Variants in CEP83 observed in about 807,000 individuals in gnomAD.
CEP83 encodes the protein centrosomal protein 83.
In CEP83, 70 loss-of-function variants were observed where a neutral mutation model predicts 101.9. The ratio of observed to expected loss-of-function variants is 0.69; its 90% confidence interval spans 0.57 to 0.84. The LOEUF (loss-of-function observed/expected upper bound fraction) is 0.84. Ranked by LOEUF, CEP83 falls within the 40% of genes least tolerant of loss-of-function variation. The pLI, the probability that CEP83 is intolerant of heterozygous loss-of-function variation, is 0.00. For missense variants in CEP83, 715 were observed against 787.2 expected (o/e 0.91, Z 1.10); for synonymous variants, 264 against 267.9 (o/e 0.99, Z 0.14).
intron 14 of CEP83, among the ~76,000 whole-genome samples, chr12:94,329,713 G>A (rs2059124581): frequency 6.6e-6 from 1 of 152,122 alleles, no homozygotes; most frequent in African/African-American, 2.4e-5. Context: ...AAATCAGTAG[G>A]ATTTCTGAGT....
At chr12:94,405,561 T>A (rs1593776793) in intron 4 of CEP83, among the ~76,000 whole-genome samples, 1 of 152,182 alleles carries the variant, frequency 6.6e-6, no homozygotes, top group East Asian at 1.9e-4. Context: ...AAACTGAAAG[T>A]AAAAAGCCTT....
rs1256536094 is a variant in CEP83, at chr12:94,310,063, A to C, written c.1856T>G (p.Leu619Arg). Residue 619 changes from leucine to arginine, a missense_variant, in exon 16 of 17, where the codon CTA becomes CGA. Coordinates refer to ENST00000397809, the MANE Select transcript of CEP83 (RefSeq NM_016122.3). ...ATTATGTCTTCTCTGTATATCTTTT[A>C]GTCTTTTTTGAAGCCTTGTATAGTC... ...FEDYTRLQKR[L>R]KDIQRRHNEF... 6.2e-7 allele frequency: 1 copy of C among 1,604,844 alleles called. No homozygotes were observed. The highest frequency in any genetic ancestry group is 1.1e-5 in the South Asian group (1 of 90,630).
At chr12:94,297,815 A>G in the CEP83 span, among the ~76,000 whole-genome samples, 1 of 152,240 alleles carries the variant, frequency 6.6e-6, no homozygotes, top group African/African-American at 2.4e-5. Context: ...GTCAATGACT[A>G]TAAACCTAGT....
chr12:94,316,478 A>ACATGTGCAGGTTTGTCTTATAGGTAAACT, intron 14 of CEP83, among the ~76,000 whole-genome samples: 1 of 151,108 alleles, frequency 6.6e-6, no homozygotes, highest in African/African-American at 2.4e-5. Flanking sequence ...GCTCAGAGGT[A>ACATGTGCAGGTTTGTCTTATAGGTAAACT]CATGTGCAGG....
At chr12:94,266,247 A>C in the CEP83 span, among the ~76,000 whole-genome samples, 4 of 152,166 alleles carry the variant, frequency 2.6e-5, no homozygotes, top group African/African-American at 9.7e-5. Context: ...AATAGTCCGT[A>C]GGTCAGCTGT....
the CEP83 span, chr12:94,282,446 C>T: frequency 3.0e-5 from 38 of 1,246,122 alleles, no homozygotes; most frequent in Admixed American, 5.3e-5. Flanking sequence ...CATCCCCAAT[C>T]CTAGTCCCAT....
intron 6 of CEP83, among the ~76,000 whole-genome samples, chr12:94,381,060 T>C (rs1338110552): frequency 6.6e-6 from 1 of 152,194 alleles, no homozygotes; most frequent in Non-Finnish European, 1.5e-5. Context: ...TACTGAGTAC[T>C]TACTAAGTAC....
intron 6 of CEP83, among the ~76,000 whole-genome samples, chr12:94,379,262 G>A (rs1371800239): frequency 2.0e-5 from 3 of 152,212 alleles, no homozygotes; most frequent in Non-Finnish European, 2.9e-5. Flanking sequence ...GTATCTCCAC[G>A]TGGTGTCTAG....
At chr12:94,301,127 A>C in the CEP83 span, 1 of 1,399,010 alleles carries the variant, frequency 7.1e-7, no homozygotes, top group Non-Finnish European at 1.0e-6. Context: ...TCTGATAAGC[A>C]TTCAAATAAT....
chr12:94,287,437 C>T, the CEP83 span, among the ~76,000 whole-genome samples: 1 of 152,210 alleles, frequency 6.6e-6, no homozygotes, highest in East Asian at 1.9e-4. Context: ...AGCCTTCTTC[C>T]TCTCACTCGC....
chr12:94,279,203 CTATT>C, the CEP83 span, among the ~76,000 whole-genome samples: 25 of 152,170 alleles, frequency 1.6e-4, no homozygotes, highest in Admixed American at 5.9e-4. Flanking sequence ...CATTTTTAGA[CTATT>C]TATGTGTATA....
intron 11 of CEP83, among the ~76,000 whole-genome samples, chr12:94,349,421 T>A (rs1266489690): frequency 6.6e-6 from 1 of 152,166 alleles, no homozygotes; most frequent in African/African-American, 2.4e-5. Context: ...AAAGATGTGT[T>A]TGAGCCTAGT....
chr12:94,459,464 T>TA (rs2067981250), intron 1 of CEP83, 93 bp downstream of exon 1: 1 of 151,604 alleles, frequency 6.6e-6, no homozygotes, highest in African/African-American at 2.4e-5. Flanking sequence ...AACAGGAAAA[T>TA]AAAAAAAGGA....
At chr12:94,443,118 G>T (rs943888720) in intron 1 of CEP83, among the ~76,000 whole-genome samples, 4 of 148,906 alleles carry the variant, frequency 2.7e-5, no homozygotes, top group Non-Finnish European at 6.0e-5. Flanking sequence ...TAAACTCACA[G>T]CCCCGTATTA....
Position 94,378,940 on chromosome 12 carries a change from CTTT to C in CEP83, c.649_651del (p.Lys217del). ...CCTTTTAATTTTTGACACAAATAGA[CTTT>C]TTCTCGAGCAAGTTGTTCCACTCGT... On this transcript the variant is annotated inframe_deletion, in exon 7 of 17. Transcript: ENST00000397809. 6.2e-7 allele frequency: 1 copy of C among 1,614,028 alleles called. No homozygotes were observed. The highest frequency in any genetic ancestry group is 8.5e-7 in the Non-Finnish European group (1 of 1,179,958).
the CEP83 span, among the ~76,000 whole-genome samples, chr12:94,275,357 C>G: frequency 0.18 from 27,493 of 152,078 alleles, 2,662 homozygotes; most frequent in Admixed American, 0.23. Flanking sequence ...AGTGTGGGAG[C>G]CGGAGAGATG....
the CEP83 span, among the ~76,000 whole-genome samples, chr12:94,266,217 G>A: frequency 6.6e-6 from 1 of 152,182 alleles, no homozygotes; most frequent in African/African-American, 2.4e-5. Flanking sequence ...GCGTGTTATG[G>A]TTATGTCCTC....
intron 14 of CEP83, among the ~76,000 whole-genome samples, chr12:94,319,077 A>C (rs1334221136): frequency 1.3e-5 from 2 of 152,142 alleles, no homozygotes; most frequent in Non-Finnish European, 2.9e-5. Flanking sequence ...CTACTGCCTC[A>C]ATTTCAGAAC....
downstream of CEP83, chr12:94,306,246 T>TTACAAAAAAAAAGA (rs1969002205): frequency 2.0e-5 from 3 of 152,192 alleles, no homozygotes; most frequent in African/African-American, 7.2e-5. Context: ...AAGATACATT[T>TTACAAAAAAAAAGA]TACATTTTAT....
Sources: allele counts gnomAD v4.1 joint callset (sites outside exome capture counted in the v4.1 genomes callset), GRCh38; gene constraint gnomAD v4.1.1; transcripts MANE v1.5; gene names NCBI Gene and HGNC (gene_info 2026-07-23, HGNC 2026-07-21).